Variants in SLC6A11 observed in about 807,000 individuals in gnomAD.
SLC6A11 encodes solute carrier family 6 member 11, also known as sodium- and chloride-dependent GABA transporter 3.
A neutral mutation model predicts 74.8 loss-of-function variants in SLC6A11; 25 were observed. That is an observed-to-expected ratio of 0.33 (90% CI 0.24 to 0.47). The LOEUF is 0.47. Ranked by LOEUF, SLC6A11 falls within the 20% of genes least tolerant of loss-of-function variation. SLC6A11 has a pLI of 1.00. For synonymous variants in SLC6A11, 330 were observed against 330.2 expected, an observed-to-expected ratio of 1.00 and a Z score of 0.01; for missense variants, 574 against 837.0, an observed-to-expected ratio of 0.69 and a Z score of 3.88.
In SLC6A11 at chr3:10,844,294, C is replaced by T; in HGVS notation, c.704C>T (p.Ala235Val). ...GAGCTGGCCTTGTGTCTCTTGGCAG[C>T]CTGGACCATCTGTTACTTCTGTATC... ...RWELALCLLA[A>V]WTICYFCIWK... is the part of the protein sequence containing the mutation. The change falls in exon 5 of 14, where the codon GCC (alanine) becomes GTC (valine). Residue 235 changes from alanine (A) to valine (V), a missense_variant. Physicochemically the swap from Ala to Val is moderately conservative, Grantham distance 64. Around this residue, in one of 4 missense-constraint regions of SLC6A11, gnomAD observed 215 missense variants for 357.9 expected, o/e 0.60. Coordinates refer to ENST00000254488, the MANE Select transcript of SLC6A11 (RefSeq NM_014229.3). The T allele has an allele frequency of 6.2e-7, 1 of 1,614,182 alleles. No individual in the cohort carries two copies. The highest frequency in any genetic ancestry group is 1.3e-5 in the African/African-American group (1 of 75,048).
intron 5 of SLC6A11, among the ~76,000 whole-genome samples, chr3:10,867,623 A>T (rs913642077): frequency 5.9e-5 from 9 of 152,176 alleles, no homozygotes; most frequent in African/African-American, 2.2e-4. Flanking sequence ...GGACCTCAGA[A>T]ACCATCCATC....
intron 12 of SLC6A11, among the ~76,000 whole-genome samples, chr3:10,934,458 C>G (rs1695732569): frequency 6.6e-6 from 1 of 152,208 alleles, no homozygotes; most frequent in Non-Finnish European, 1.5e-5. Flanking sequence ...CCTCAGAGGG[C>G]CGAGGACTAT....
chr3:10,899,246 G>A lies in SLC6A11; in HGVS notation c.892-12844G>A, dbSNP rs185667827. 1.2e-4 allele frequency among the ~76,000 whole-genome samples: 19 copies of A among 152,250 alleles called. No individual in the cohort carries two copies. In the East Asian group the frequency reaches 3.7e-3, roughly 29 times the overall value. Reference sequence around the variant, plus strand: ...TGTGCTTGGTTCCTTCTAGCCACATGAGCTCATCCCAGGACTGGAGTTCTC... The same window carrying A: ...TGTGCTTGGTTCCTTCTAGCCACATAAGCTCATCCCAGGACTGGAGTTCTC... On this transcript the variant is annotated intron_variant, in intron 6 of 13. Coordinates refer to ENST00000254488, the MANE Select transcript of SLC6A11 (RefSeq NM_014229.3).
At chr3:10,925,464 G>C (rs1695590843) in intron 8 of SLC6A11, among the ~76,000 whole-genome samples, 1 of 152,018 alleles carries the variant, frequency 6.6e-6, no homozygotes, top group South Asian at 2.1e-4. Context: ...AGTTCATCCC[G>C]AGGACACGTT....
At chr3:10,893,506 T>G (rs1457805390) in intron 6 of SLC6A11, among the ~76,000 whole-genome samples, 3 of 152,202 alleles carry the variant, frequency 2.0e-5, no homozygotes, top group Admixed American at 1.3e-4. Flanking sequence ...TTTTCTGATC[T>G]GAGACTGAAC....
rs953608520 is a variant in SLC6A11, at chr3:10,826,037, A to T, written c.623+2645A>T. Among the ~76,000 whole-genome samples the T allele has an allele frequency of 4.6e-5, 7 of 152,272 alleles. No homozygotes were observed. The South Asian group carries it at 1.2e-3, about 27-fold the overall frequency. ...TGTTGAATTAAACAAGAATAGCAAT[A>T]AAAAAACAAAATAACTGTGTGGGAA... On this transcript the variant is annotated intron_variant, in intron 4 of 13. Coordinates refer to ENST00000254488, the MANE Select transcript of SLC6A11 (RefSeq NM_014229.3).
chr3:10,840,502 C>T (rs1021846156), intron 4 of SLC6A11, among the ~76,000 whole-genome samples: 1 of 152,188 alleles, frequency 6.6e-6, no homozygotes, highest in Non-Finnish European at 1.5e-5. Context: ...TTTAAAGACC[C>T]CCAGGCTTAG....
At chr3:10,849,967 A>T (rs1195855188) in intron 5 of SLC6A11, among the ~76,000 whole-genome samples, 1 of 152,114 alleles carries the variant, frequency 6.6e-6, no homozygotes, top group Non-Finnish European at 1.5e-5. Flanking sequence ...AATGGAACAC[A>T]GCCACATCCA....
chr3:10,859,478 C>T (rs1694678412), intron 5 of SLC6A11, among the ~76,000 whole-genome samples: 1 of 152,144 alleles, frequency 6.6e-6, no homozygotes, highest in Non-Finnish European at 1.5e-5. Context: ...TCTGCAATGT[C>T]TGTGACTCTG....
intron 4 of SLC6A11, among the ~76,000 whole-genome samples, chr3:10,843,363 C>A (rs997416628): frequency 1.3e-5 from 2 of 152,150 alleles, no homozygotes; most frequent in Admixed American, 1.3e-4. Flanking sequence ...ACCTTTCCTG[C>A]TTTTTCCTTC....
chr3:10,840,097 T>C (rs1694418571), intron 4 of SLC6A11, among the ~76,000 whole-genome samples: 1 of 152,198 alleles, frequency 6.6e-6, no homozygotes, highest in African/African-American at 2.4e-5. Context: ...TCACCACTGT[T>C]GACCACTTCC....
chr3:10,885,593 A>G (rs1239859930), intron 6 of SLC6A11, among the ~76,000 whole-genome samples: 3 of 98,884 alleles, frequency 3.0e-5, no homozygotes, highest in African/African-American at 1.6e-4. Flanking sequence ...GACAGCCCCC[A>G]TGATAAAAAA....
At chr3:10,924,471 A>G (rs957591812) in intron 8 of SLC6A11, among the ~76,000 whole-genome samples, 15 of 152,332 alleles carry the variant, frequency 9.8e-5, no homozygotes, top group Admixed American at 8.5e-4. Context: ...AAAATATATT[A>G]TACTTCTTTA....
At chr3:10,824,497 A>C (rs761862049) in intron 4 of SLC6A11, 1 of 152,164 alleles carries the variant, frequency 6.6e-6, no homozygotes. Flanking sequence ...CTCTCATATA[A>C]ATCTTCATAC....
intron 4 of SLC6A11, among the ~76,000 whole-genome samples, chr3:10,826,167 T>G (rs1048262430): frequency 6.6e-6 from 1 of 152,388 alleles, no homozygotes. Context: ...TCCATTTGTT[T>G]ATGTCTTTTA....
chr3:10,885,292 C>T (rs1191969346), intron 6 of SLC6A11, among the ~76,000 whole-genome samples: 1 of 151,942 alleles, frequency 6.6e-6, no homozygotes, highest in Non-Finnish European at 1.5e-5. Flanking sequence ...TTTCTTAGTG[C>T]AGGTCTGTAG....
chr3:10,893,297 T>A (rs1695128978), intron 6 of SLC6A11, among the ~76,000 whole-genome samples: 1 of 152,218 alleles, frequency 6.6e-6, no homozygotes, highest in Non-Finnish European at 1.5e-5. Flanking sequence ...TGCAAACTTC[T>A]ATCTTATACT....
In SLC6A11 at chr3:10,816,554, G is replaced by A. The variant is rs1694061539; in HGVS notation, c.256+33G>A. The A allele has an allele frequency of 2.0e-6, 3 of 1,530,130 alleles. No homozygotes were observed. The highest frequency in any genetic ancestry group is 2.6e-5 in the East Asian group (1 of 38,404). 94.8% of individuals were successfully genotyped at this position (1,530,130 alleles called of 1,614,324 possible). A position where few individuals can be genotyped will look rare whatever the true frequency, so the allele number is the denominator to read the frequency against. ...GATAGTGAGGAGAAGGGGAGGGGGC[G>A]CCAACCGCCCGGTGGGGGCGGGGAG... On this transcript the variant is annotated intron_variant, in intron 1 of 13. Transcript: ENST00000254488. This position sits in a 1 kb window ranked among gnomAD's most constrained non-coding sequence, Gnocchi z 4.2.
At chr3:10,860,437 C>T (rs2106593952) in intron 5 of SLC6A11, among the ~76,000 whole-genome samples, 1 of 152,170 alleles carries the variant, frequency 6.6e-6, no homozygotes, top group South Asian at 2.1e-4. Context: ...GTGGGACAGC[C>T]AGGATGAGAA....
Sources: allele counts gnomAD v4.1 joint callset (sites outside exome capture counted in the v4.1 genomes callset), GRCh38; gene constraint gnomAD v4.1.1; regional missense constraint gnomAD v4.1.1; non-coding constraint Gnocchi (gnomAD v3.1); transcripts MANE v1.5; gene names NCBI Gene and HGNC (gene_info 2026-07-23, HGNC 2026-07-21).